The following RRP12 variants were observed in gnomAD, a reference collection of about 807,000 sequenced individuals.
RRP12 encodes ribosomal RNA processing 12 homolog.
A neutral mutation model predicts 157.3 loss-of-function variants in RRP12; 78 were observed. The observed-to-expected ratio is 0.50, with a 90% CI of 0.41 to 0.60. The LOEUF (loss-of-function observed/expected upper bound fraction) is 0.60. Ranked by LOEUF, RRP12 falls within the 20% of genes least tolerant of loss-of-function variation. The pLI, the probability that RRP12 is intolerant of heterozygous loss-of-function variation, is 0.00. For missense variants in RRP12, 1,521 were observed against 1,679.9 expected (o/e 0.91, Z 1.65); for synonymous variants, 726 against 670.9 (o/e 1.08, Z -1.27).
intron 25 of RRP12, among the ~76,000 whole-genome samples, chr10:97,368,083 T>C (rs1844040781): frequency 7.1e-6 from 1 of 141,182 alleles, no homozygotes; most frequent in African/African-American, 2.7e-5. Context: ...CTGGCTGGAG[T>C]GCAATGGCAT....
intron 6 of RRP12, among the ~76,000 whole-genome samples, chr10:97,389,664 A>G (rs1286693945): frequency 1.3e-5 from 2 of 152,106 alleles, no homozygotes; most frequent in African/African-American, 4.8e-5. Flanking sequence ...TGTGGGGAAC[A>G]CTGGAGTCTC....
intron 3 of RRP12, among the ~76,000 whole-genome samples, chr10:97,394,260 G>A (rs557081412): frequency 2.0e-4 from 30 of 152,064 alleles, no homozygotes; most frequent in Non-Finnish European, 3.7e-4. Flanking sequence ...GGAGAATGGC[G>A]TGAACCCAGG....
chr10:97,358,717 G>C (rs1843772503), intron 32 of RRP12, 98 bp from the exon 33 acceptor site: 2 of 983,454 alleles, frequency 2.0e-6, no homozygotes, highest in Non-Finnish European at 3.3e-6. Flanking sequence ...TTCATCCTCT[G>C]CCTTAGGTGG....
intron 20 of RRP12, 130 bp from the exon 21 acceptor site, chr10:97,371,211 C>T (rs1423588081): frequency 4.1e-6 from 4 of 974,788 alleles, no homozygotes; most frequent in Non-Finnish European, 1.5e-6. Flanking sequence ...TGACAGAGGA[C>T]CAGTGGAATG....
chr10:97,371,186 G>A, intron 20 of RRP12, 105 bp from the exon 21 acceptor site: 1 of 1,239,216 alleles, frequency 8.1e-7, no homozygotes. Context: ...GGGGTCCGTG[G>A]GGGCTCATGT....
In RRP12 at chr10:97,401,279, G is replaced by A. The variant is rs751410963; in HGVS notation, c.-48C>T. On this transcript the variant is annotated 5_prime_UTR_variant, in exon 1 of 34. Coordinates refer to ENST00000370992, the MANE Select transcript of RRP12 (RefSeq NM_015179.4). ...ATGAGCTTAAATGACCGGCTTCCAG[G>A]GACGTAGAAACACGCTCAGAACCCA... 1.2e-6 allele frequency: 2 copies of A among 1,610,500 alleles called. No homozygotes were observed. Among genetic ancestry groups the A allele is most frequent in the Non-Finnish European group, 1.7e-6 (2 of 1,177,308 alleles).
intron 13 of RRP12, 108 bp from the exon 14 acceptor site, chr10:97,379,878 T>G: frequency 9.1e-7 from 1 of 1,097,164 alleles, no homozygotes; most frequent in Non-Finnish European, 1.3e-6. Flanking sequence ...GGTTCAACGC[T>G]ACACCAGAGG....
intron 25 of RRP12, 33 bp from the exon 26 acceptor site, chr10:97,367,165 C>T (rs777236787): frequency 2.2e-5 from 35 of 1,588,962 alleles, no homozygotes; most frequent in African/African-American, 9.4e-5. Context: ...TTCAGGGAGG[C>T]GAGCCTTCCA....
intron 4 of RRP12, among the ~76,000 whole-genome samples, chr10:97,391,263 T>A (rs1477129079): frequency 1.3e-5 from 2 of 152,208 alleles, no homozygotes; most frequent in African/African-American, 2.4e-5. Flanking sequence ...TATACAAGTA[T>A]CTTTTAAATT....
chr10:97,366,676 G>A, intron 27 of RRP12, 55 bp from the exon 28 acceptor site: 3 of 1,598,834 alleles, frequency 1.9e-6, no homozygotes, highest in Non-Finnish European at 8.5e-7. Context: ...GGGGTCAGCG[G>A]GTATTGCCTG....
intron 18 of RRP12, 68 bp from the exon 19 acceptor site, chr10:97,372,871 G>A (rs1844197367): frequency 6.7e-7 from 1 of 1,492,342 alleles, no homozygotes; most frequent in Non-Finnish European, 9.1e-7. Flanking sequence ...AGCAATGGCA[G>A]CAGTCCCAGA....
At chr10:97,379,240 G>T in intron 15 of RRP12, 53 bp downstream of exon 15, 1 of 1,601,934 alleles carries the variant, frequency 6.2e-7, no homozygotes, top group South Asian at 1.1e-5. Flanking sequence ...TTCTGTGGAG[G>T]TTCCAGGACT....
intron 29 of RRP12, 50 bp downstream of exon 29, chr10:97,366,058 G>A (rs202150863): frequency 4.8e-5 from 76 of 1,598,922 alleles, no homozygotes; most frequent in East Asian, 4.2e-4. Context: ...AGTGATCACC[G>A]AAGGAATAAG....
chr10:97,391,501 G>A (rs1412384326), intron 4 of RRP12, among the ~76,000 whole-genome samples: 1 of 152,202 alleles, frequency 6.6e-6, no homozygotes, highest in African/African-American at 2.4e-5. Context: ...AACCCGGGAG[G>A]TGGAGGGTGT....
Position 97,389,532 on chromosome 10 carries a change from T to C in RRP12, c.753+891A>G, listed in dbSNP as rs568061905. On this transcript the variant is annotated intron_variant, in intron 6 of 33. Coordinates refer to ENST00000370992, the MANE Select transcript of RRP12 (RefSeq NM_015179.4). ...TGAGACCATCTGGGCTGACGGTGCTTAGCACTGGGAGTGATTACATGACTG... is the reference window on the plus strand; with the variant it reads ...TGAGACCATCTGGGCTGACGGTGCTCAGCACTGGGAGTGATTACATGACTG... Among the ~76,000 whole-genome samples the C allele has an allele frequency of 3.5e-4, 53 of 152,160 alleles. No homozygotes were observed. The South Asian group carries it at 0.011, about 31-fold the overall frequency.
In RRP12 at chr10:97,381,435, C is replaced by A. The variant is rs139484717; in HGVS notation, c.1369G>T (p.Val457Leu). Residue 457 changes from valine (V) to leucine (L), a missense_variant, in exon 12 of 34, where the codon GTG (valine) becomes TTG (leucine). Physicochemically the swap from Val to Leu is conservative, Grantham distance 32. Transcript: ENST00000370992. ...GCAGGGCCTGAGGCCGAGGAGGTCA[C>A]GGAGCCAATGTCAGCCATGTGGGGA... Reference protein sequence around the residue: ...VAPHMADIGSVTSSASGPAQS... With the variant: ...VAPHMADIGSLTSSASGPAQS... The A allele has an allele frequency of 1.1e-5, 17 of 1,613,314 alleles. No homozygotes were observed. Among genetic ancestry groups the A allele is most frequent in the Non-Finnish European group, 1.1e-5 (13 of 1,179,766 alleles).
chr10:97,373,489 C>T, intron 17 of RRP12, 86 bp downstream of exon 17: 1 of 1,396,346 alleles, frequency 7.2e-7, no homozygotes, highest in Non-Finnish European at 9.6e-7. Context: ...TGTGGCTCTG[C>T]CTGGCAAGGA....
At chr10:97,398,040 T>TATA (rs1491347075) in intron 2 of RRP12, among the ~76,000 whole-genome samples, 8 of 33,598 alleles carry the variant, frequency 2.4e-4, no homozygotes, top group Non-Finnish European at 4.7e-4. Context: ...TATATACGTA[T>TATA]TTTTTTTTTT....
chr10:97,368,077 C>G (rs527269189), intron 25 of RRP12, among the ~76,000 whole-genome samples: 28 of 142,784 alleles, frequency 2.0e-4, no homozygotes, highest in Non-Finnish European at 3.6e-4. Context: ...GTCACCCTGG[C>G]TGGAGTGCAA....
Sources: allele counts gnomAD v4.1 joint callset (sites outside exome capture counted in the v4.1 genomes callset), GRCh38; gene constraint gnomAD v4.1.1; transcripts MANE v1.5; gene names NCBI Gene and HGNC (gene_info 2026-07-23, HGNC 2026-07-21).